The following LRRC7 variants were observed in gnomAD, a reference collection of about 807,000 sequenced individuals.
LRRC7 encodes leucine-rich repeat-containing protein 7.
In LRRC7, 23 loss-of-function variants were observed where a neutral mutation model predicts 175.7. That is an observed-to-expected ratio of 0.13 (90% confidence interval 0.09 to 0.19). The LOEUF is 0.19. LRRC7 is among the 10% of genes least tolerant of loss of function. LRRC7 has a pLI of 1.00. For synonymous variants in LRRC7, 685 were observed against 680.9 expected (o/e 1.01, Z -0.09); for missense variants, 1,354 against 1,904.7 (o/e 0.71, Z 5.38).
At chr1:70,074,537 G>A (rs185355371) in intron 23 of LRRC7, among the ~76,000 whole-genome samples, 83 of 152,338 alleles carry the variant, frequency 5.4e-4, no homozygotes, top group African/African-American at 1.7e-3. Context: ...CTGGATATGC[G>A]TTGGACAGAG....
intron 24 of LRRC7, among the ~76,000 whole-genome samples, chr1:70,078,668 T>A (rs1236459047): frequency 1.3e-5 from 2 of 152,202 alleles, no homozygotes; most frequent in African/African-American, 4.8e-5. Context: ...TAGCCACTTG[T>A]CCTTGGCCAA....
intron 3 of LRRC7, among the ~76,000 whole-genome samples, chr1:69,781,725 AAGAAAGAAAGAGAGAGAGAGAGAGAG>A (rs1673585560): frequency 2.9e-5 from 1 of 34,094 alleles, no homozygotes. Flanking sequence ...GAAAGAAAGA[AAGAAAGAAAGAGAGAGAGAGAGAGAG>A]AGAGAGAGAG....
In LRRC7 at chr1:70,135,703, CA is replaced by C. The variant is rs1389172891; in HGVS notation, c.*13818del. ...AAAGAGAAAGTTGTTAGATAGTGAA[CA>C]AGTCCCATTCTCTAAAAGTGATTTT... is the stretch of plus-strand genomic sequence containing the variant. On this transcript the variant is annotated 3_prime_UTR_variant, in exon 27 of 27. Coordinates refer to ENST00000651989, the MANE Select transcript of LRRC7 (RefSeq NM_001370785.2). 6.6e-6 allele frequency among the ~76,000 whole-genome samples: 1 copy of C among 152,182 alleles called. No homozygotes were observed. The highest frequency in any genetic ancestry group is 1.5e-5 in the Non-Finnish European group (1 of 68,032).
Position 69,612,448 on chromosome 1 carries a change from T to C in LRRC7, c.2+43807T>C, listed in dbSNP as rs1018031267. ...CTGGACATTCTGCTGTATGCTTTAATATACTGGGTTTTATTACTAGAAAGT... is the reference window on the plus strand; with the variant it reads ...CTGGACATTCTGCTGTATGCTTTAACATACTGGGTTTTATTACTAGAAAGT... On this transcript the variant is annotated intron_variant, in intron 1 of 26. Coordinates refer to ENST00000651989, the MANE Select transcript of LRRC7 (RefSeq NM_001370785.2). 2.0e-5 allele frequency among the ~76,000 whole-genome samples: 3 copies of C among 152,168 alleles called. No individual in the cohort carries two copies. In the South Asian group the frequency reaches 6.2e-4, roughly 32 times the overall value.
At chr1:70,106,183 AT>A (rs1326828175) in intron 25 of LRRC7, among the ~76,000 whole-genome samples, 1 of 152,192 alleles carries the variant, frequency 6.6e-6, no homozygotes. Context: ...ATATTCTACA[AT>A]TTAAAGTGTA....
intron 1 of LRRC7, among the ~76,000 whole-genome samples, chr1:69,657,810 G>A (rs1036499290): frequency 5.9e-5 from 9 of 151,768 alleles, no homozygotes; most frequent in South Asian, 2.1e-4. Flanking sequence ...GTTTCAGGCC[G>A]TTCCTTATTT....
At chr1:69,791,409 A>T (rs537119785) in intron 3 of LRRC7, among the ~76,000 whole-genome samples, 16 of 152,154 alleles carry the variant, frequency 1.1e-4, no homozygotes, top group African/African-American at 3.9e-4. Flanking sequence ...TGGATTTCAC[A>T]GCTATTACTT....
intron 7 of LRRC7, among the ~76,000 whole-genome samples, chr1:69,872,086 A>G (rs530054614): frequency 6.6e-6 from 1 of 152,148 alleles, no homozygotes; most frequent in South Asian, 2.1e-4. Flanking sequence ...AGATGGATCA[A>G]AAAGAAATTT....
intron 23 of LRRC7, among the ~76,000 whole-genome samples, chr1:70,069,325 A>T (rs1411536070): frequency 6.6e-6 from 1 of 152,162 alleles, no homozygotes; most frequent in Non-Finnish European, 1.5e-5. Flanking sequence ...GAAATGCCAG[A>T]TGCTTATAAA....
intron 7 of LRRC7, among the ~76,000 whole-genome samples, chr1:69,841,476 T>C (rs888583214): frequency 2.0e-5 from 3 of 151,996 alleles, no homozygotes; most frequent in Non-Finnish European, 4.4e-5. Flanking sequence ...ATTGTAGAGG[T>C]TCCTACCACA....
intron 17 of LRRC7, 61 bp from the exon 18 acceptor site, chr1:70,028,110 G>C: frequency 1.4e-6 from 2 of 1,415,976 alleles, no homozygotes; most frequent in Non-Finnish European, 2.0e-6. Flanking sequence ...AAATGGGATA[G>C]TTTTGTGAAC....
rs1666486217 is a variant in LRRC7, at chr1:70,127,154, G to A, written c.*5267G>A. Among the ~76,000 whole-genome samples the A allele has an allele frequency of 6.6e-6, 1 of 152,152 alleles. No homozygotes were observed. Among genetic ancestry groups the A allele is most frequent in the Admixed American group, 6.5e-5 (1 of 15,278 alleles). On this transcript the variant is annotated 3_prime_UTR_variant, in exon 27 of 27. Coordinates refer to ENST00000651989, the MANE Select transcript of LRRC7 (RefSeq NM_001370785.2). ...ACAACAAACAAAGCCTGTGTGCAAT[G>A]GTGGGGGTGGCAATGCCTTTATAAA...
chr1:69,912,738 C>G (rs1646571323), intron 7 of LRRC7, among the ~76,000 whole-genome samples: 1 of 152,176 alleles, frequency 6.6e-6, no homozygotes, highest in Non-Finnish European at 1.5e-5. Flanking sequence ...GTTATAAATT[C>G]AAGAAGACTA....
At chr1:70,087,415 T>C (rs1038106208) in intron 24 of LRRC7, among the ~76,000 whole-genome samples, 9 of 152,150 alleles carry the variant, frequency 5.9e-5, no homozygotes, top group Non-Finnish European at 1.2e-4. Context: ...AATAATATAA[T>C]TGGAAATGCA....
In LRRC7 at chr1:69,755,898, C is replaced by A. The variant is rs538619857; in HGVS notation, c.101-4293C>A. Among the ~76,000 whole-genome samples the A allele has an allele frequency of 2.6e-5, 4 of 151,916 alleles. No individual in the cohort carries two copies. In the South Asian group the frequency reaches 6.2e-4, roughly 24 times the overall value. On this transcript the variant is annotated intron_variant, in intron 2 of 26. Transcript: ENST00000651989. ...ACTTCCGATTAGCTTTTGAGGGTTT[C>A]ATTCTTCAGTATAGGAAGACAGTCA...
rs1221766723 is a variant in LRRC7 at position 70,009,354 on chromosome 1, TC to T, written c.1005-2442del. Reference sequence around the variant, plus strand: ...ACTTTCTTTTTTTTCTTTCTTTCTTTCTTTTTTTTTTTTTTTTGAGAAACAA... The same window carrying T: ...ACTTTCTTTTTTTTCTTTCTTTCTTTTTTTTTTTTTTTTTTTGAGAAACAA... On this transcript the variant is annotated intron_variant, in intron 11 of 26. Coordinates refer to ENST00000651989, the MANE Select transcript of LRRC7 (RefSeq NM_001370785.2). 1.6e-4 allele frequency among the ~76,000 whole-genome samples: 23 copies of T among 143,524 alleles called. No homozygotes were observed. In the South Asian group the frequency reaches 4.3e-3, roughly 27 times the overall value. 94.2% of individuals were successfully genotyped at this position (143,524 alleles called of 152,430 possible). A position where few individuals can be genotyped will look rare whatever the true frequency, so the allele number is the denominator to read the frequency against.
chr1:69,604,699 T>A (rs549732572), intron 1 of LRRC7, among the ~76,000 whole-genome samples: 1 of 108,874 alleles, frequency 9.2e-6, no homozygotes, highest in South Asian at 3.2e-4. Flanking sequence ...AAATATACCA[T>A]TTTTTTTTCA....
At position 70,115,785 on chromosome 1, in the gene LRRC7, A is replaced by G. The variant is rs191192887; in HGVS notation, c.4621-5995A>G. Among the ~76,000 whole-genome samples, 236 of 150,862 alleles carry G rather than the reference A, an allele frequency of 1.6e-3. 1 individual carries two copies. Among genetic ancestry groups the G allele is most frequent in the African/African-American group, 5.8e-3 (232 of 40,182 alleles). On this transcript the variant is annotated intron_variant, in intron 26 of 26. Transcript: ENST00000651989. Reference sequence around the variant, plus strand: ...AAACATTTGATAAAATGAACCTGTCATTTAAGAGCCTGATAAAATGTCATT... The same window carrying G: ...AAACATTTGATAAAATGAACCTGTCGTTTAAGAGCCTGATAAAATGTCATT...
intron 1 of LRRC7, among the ~76,000 whole-genome samples, chr1:69,633,378 TA>T (rs1430319360): frequency 1.3e-5 from 2 of 152,076 alleles, no homozygotes; most frequent in African/African-American, 2.4e-5. Flanking sequence ...CTGTCCAATT[TA>T]AGGTGATTTG....
Sources: allele counts gnomAD v4.1 joint callset (sites outside exome capture counted in the v4.1 genomes callset), GRCh38; gene constraint gnomAD v4.1.1; transcripts MANE v1.5; gene names NCBI Gene and HGNC (gene_info 2026-07-23, HGNC 2026-07-21).